Variants in TMEM144 observed in about 807,000 individuals in gnomAD.
TMEM144 encodes the protein transmembrane protein 144.
Under a neutral mutation model 43.6 loss-of-function variants are expected in TMEM144, and 39 were observed. The observed-to-expected ratio is 0.90, with a 90% CI of 0.69 to 1.17. The LOEUF (loss-of-function observed/expected upper bound fraction) is 1.17, where lower values mean the gene tolerates loss of function less well. Ranked by LOEUF, TMEM144 falls within the 50% of genes most tolerant of loss-of-function variation. The pLI is 0.00. For missense variants in TMEM144, 417 were observed against 411.9 expected (o/e 1.01, Z -0.11); for synonymous variants, 154 against 133.6 (o/e 1.15, Z -1.06).
chr4:158,253,420 C>G (rs1400862793), intron 12 of TMEM144, 24 bp from the exon 13 acceptor site: 3 of 1,578,114 alleles, frequency 1.9e-6, no homozygotes, highest in Middle Eastern at 1.7e-4. Context: ...TTATTCATCA[C>G]TGTTATTCTT....
intron 10 of TMEM144, 100 bp downstream of exon 10, chr4:158,240,518 G>C: frequency 1.5e-6 from 2 of 1,306,416 alleles, no homozygotes; most frequent in Non-Finnish European, 2.1e-6. Flanking sequence ...CATCCTCTGT[G>C]TGTATATGTG....
intron 6 of TMEM144, among the ~76,000 whole-genome samples, 165 bp downstream of exon 6, chr4:158,219,555 C>A (rs889080922): frequency 3.9e-5 from 6 of 152,148 alleles, no homozygotes; most frequent in Non-Finnish European, 7.3e-5. Flanking sequence ...ACAAAAAGTG[C>A]CAGATTTGGG....
chr4:158,237,365 G>T, intron 8 of TMEM144, 160 bp from the exon 9 acceptor site: 1 of 601,232 alleles, frequency 1.7e-6, no homozygotes, highest in Non-Finnish European at 3.0e-6. Context: ...AATACTGCAG[G>T]GTATTTCTGT....
Position 158,240,329 on chromosome 4 carries a change from G to T in TMEM144, c.713G>T (p.Gly238Val), listed in dbSNP as rs764749378. The T allele has an allele frequency of 3.1e-6, 5 of 1,613,414 alleles. No individual in the cohort carries two copies. Among genetic ancestry groups the T allele is most frequent in the Non-Finnish European group, 4.2e-6 (5 of 1,179,752 alleles). ...DLDYVFAHFSGIFLTSTVYFL... is the reference protein window; with the variant it reads ...DLDYVFAHFSVIFLTSTVYFL... ...GACTATGTGTTTGCGCACTTCAGTG[G>T]CATCTTTCTTACAAGTACTGTCTAC... is the stretch of plus-strand genomic sequence containing the variant. Residue 238 changes from glycine to valine, a missense_variant, in exon 10 of 13, where the codon GGC becomes GTC. Physicochemically the swap from Gly to Val is moderately radical, Grantham distance 109 (BLOSUM62 -3). Transcript: ENST00000296529.
chr4:158,237,776 T>A (rs563177939), intron 9 of TMEM144, 133 bp downstream of exon 9: 38 of 597,072 alleles, frequency 6.4e-5, no homozygotes, highest in Non-Finnish European at 1.0e-4. Flanking sequence ...TAGAAAGGCA[T>A]TGAACACCAA....
intron 6 of TMEM144, among the ~76,000 whole-genome samples, chr4:158,226,836 G>A (rs770388985): frequency 1.3e-5 from 2 of 151,890 alleles, no homozygotes; most frequent in African/African-American, 4.8e-5. Context: ...TTATTTCAGG[G>A]CAAGAATTTA....
Position 158,217,432 on chromosome 4 carries a change from C to T in TMEM144, c.332+12C>T, listed in dbSNP as rs778321076. 4.5e-6 allele frequency: 7 copies of T among 1,562,512 alleles called. No individual in the cohort carries two copies. The highest frequency in any genetic ancestry group is 6.2e-6 in the Non-Finnish European group (7 of 1,134,420). On this transcript the variant is annotated intron_variant, in intron 5 of 12. Coordinates refer to ENST00000296529, the MANE Select transcript of TMEM144 (RefSeq NM_018342.5). ...TGGGCAAGCTCAAGGTAATTCAAGT[C>T]AAACTAGTTCAACTAAGATTTCCTG...
intron 6 of TMEM144, among the ~76,000 whole-genome samples, chr4:158,232,215 G>A (rs1373210974): frequency 1.3e-5 from 2 of 152,230 alleles, no homozygotes; most frequent in East Asian, 1.9e-4. Flanking sequence ...TGTATTATGA[G>A]AGAGATGTTA....
chr4:158,247,550 C>T (rs1355484364), intron 12 of TMEM144, among the ~76,000 whole-genome samples: 1 of 151,802 alleles, frequency 6.6e-6, no homozygotes, highest in Non-Finnish European at 1.5e-5. Flanking sequence ...TTTAGTAAGG[C>T]TTGAGATATA....
intron 11 of TMEM144, among the ~76,000 whole-genome samples, chr4:158,242,273 G>T (rs1735670821): frequency 2.0e-5 from 3 of 152,150 alleles, no homozygotes; most frequent in Admixed American, 2.0e-4. Flanking sequence ...GGAAGGACAG[G>T]TATTTGGAAT....
intron 9 of TMEM144, among the ~76,000 whole-genome samples, chr4:158,239,642 T>G (rs539875136): frequency 1.3e-5 from 2 of 152,318 alleles, no homozygotes; most frequent in South Asian, 4.1e-4. Flanking sequence ...GAGGATTTGC[T>G]ATAATTGCTA....
At chr4:158,238,767 A>G (rs1579138514) in intron 9 of TMEM144, among the ~76,000 whole-genome samples, 1 of 152,270 alleles carries the variant, frequency 6.6e-6, no homozygotes, top group East Asian at 1.9e-4. Flanking sequence ...AGATAAAAAC[A>G]ACTAATTGTT....
chr4:158,221,225 T>C (rs912835178), intron 6 of TMEM144, among the ~76,000 whole-genome samples: 2 of 152,134 alleles, frequency 1.3e-5, no homozygotes, highest in African/African-American at 4.8e-5. Context: ...AGGAAATTGT[T>C]TGCAAGACCC....
Position 158,244,328 on chromosome 4 carries a change from C to A in TMEM144, c.933C>A (p.Ile311=). 3.1e-6 allele frequency: 5 copies of A among 1,608,506 alleles called. No individual in the cohort carries two copies. The highest frequency in any genetic ancestry group is 1.3e-5 in the African/African-American group (1 of 74,790). ...GATTTATAGCTGCAATGTGGGGTAT[C>A]TTCATGTTTAAGGAAATAAAGGTAT... ...GPGFIAAMWG[I]FMFKEIKGLQ... The change falls in exon 12 of 13, where the codon ATC becomes ATA. Residue 311 remains isoleucine (I), a synonymous_variant. Coordinates refer to ENST00000296529, the MANE Select transcript of TMEM144 (RefSeq NM_018342.5).
chr4:158,230,001 G>T (rs1734992751), intron 6 of TMEM144, among the ~76,000 whole-genome samples: 1 of 152,232 alleles, frequency 6.6e-6, no homozygotes, highest in Non-Finnish European at 1.5e-5. Flanking sequence ...GGCAGCTGCA[G>T]CTGTGGTACT....
chr4:158,222,579 A>G (rs764599329), intron 6 of TMEM144, among the ~76,000 whole-genome samples: 5 of 152,172 alleles, frequency 3.3e-5, no homozygotes, highest in Non-Finnish European at 7.3e-5. Flanking sequence ...CCATTATTGA[A>G]ACTATCAGAG....
intron 5 of TMEM144, among the ~76,000 whole-genome samples, chr4:158,217,706 G>A (rs932231645): frequency 6.6e-6 from 1 of 152,194 alleles, no homozygotes; most frequent in African/African-American, 2.4e-5. Flanking sequence ...GTGACAATTT[G>A]CTGGACATGT....
chr4:158,229,779 C>G (rs1734975403), intron 6 of TMEM144, among the ~76,000 whole-genome samples: 1 of 152,218 alleles, frequency 6.6e-6, no homozygotes, highest in Admixed American at 6.5e-5. Flanking sequence ...TGGCCACATT[C>G]TGCCACAGAC....
intron 6 of TMEM144, among the ~76,000 whole-genome samples, chr4:158,219,999 A>C (rs542686590): frequency 1.3e-5 from 2 of 152,324 alleles, no homozygotes; most frequent in Non-Finnish European, 2.9e-5. Flanking sequence ...AGTCCATAAA[A>C]CTTAACAGGA....
Sources: allele counts gnomAD v4.1 joint callset (sites outside exome capture counted in the v4.1 genomes callset), GRCh38; gene constraint gnomAD v4.1.1; transcripts MANE v1.5; gene names NCBI Gene and HGNC (gene_info 2026-07-23, HGNC 2026-07-21).